The following DIS3L2 variants were observed in gnomAD, a reference collection of about 807,000 sequenced individuals.
DIS3L2 encodes DIS3-like exonuclease 2.
In DIS3L2, 34 loss-of-function variants were observed where a neutral mutation model predicts 97.5. That is an observed-to-expected ratio of 0.35 (90% CI 0.27 to 0.46). DIS3L2 has a LOEUF of 0.46. DIS3L2 is among the 20% of genes least tolerant of loss of function. DIS3L2 has a pLI of 1.00. For synonymous variants in DIS3L2, 435 were observed against 445.2 expected (o/e 0.98, Z 0.29); for missense variants, 1,038 against 1,146.0 (o/e 0.91, Z 1.36).
At chr2:232,297,077 A>T (rs1483878463) in intron 13 of DIS3L2, among the ~76,000 whole-genome samples, 3 of 152,310 alleles carry the variant, frequency 2.0e-5, no homozygotes, top group Admixed American at 6.5e-5. Flanking sequence ...TGTACTTCCA[A>T]GTCTTGTCTC....
At position 232,276,332 on chromosome 2, in the gene DIS3L2, T is replaced by C. The variant is rs550804310; in HGVS notation, c.1659+12892T>C. Among the ~76,000 whole-genome samples, 2 of 152,322 alleles carry C rather than the reference T, an allele frequency of 1.3e-5. No individual in the cohort carries two copies. Among genetic ancestry groups the C allele is most frequent in the East Asian group, 3.9e-4 (2 of 5,182 alleles). On this transcript the variant is annotated intron_variant, in intron 13 of 20. Coordinates refer to ENST00000325385, the MANE Select transcript of DIS3L2 (RefSeq NM_152383.5). This position sits in a 1 kb window ranked among gnomAD's most constrained non-coding sequence, Gnocchi z 4.4. Reference sequence around the variant, plus strand: ...ATAACAGGGCGCTCTCCCCTTTCATTCTCCTGCCTGCCACCTGCCAGCCAA... The same window carrying C: ...ATAACAGGGCGCTCTCCCCTTTCATCCTCCTGCCTGCCACCTGCCAGCCAA...
chr2:232,113,635 T>C (rs977773953), intron 6 of DIS3L2, among the ~76,000 whole-genome samples: 23 of 152,198 alleles, frequency 1.5e-4, no homozygotes, highest in Admixed American at 5.9e-4. Context: ...GAAACCACCA[T>C]TGCAAAATTG....
intron 6 of DIS3L2, among the ~76,000 whole-genome samples, chr2:232,124,071 C>T (rs1045474924): frequency 3.9e-5 from 6 of 152,224 alleles, no homozygotes; most frequent in Non-Finnish European, 5.9e-5. Flanking sequence ...GGAAATCATA[C>T]TTCAAAGACA....
At chr2:232,205,592 G>A (rs956876396) in intron 9 of DIS3L2, among the ~76,000 whole-genome samples, 6 of 151,958 alleles carry the variant, frequency 3.9e-5, no homozygotes, top group South Asian at 2.1e-4. Context: ...ATGAGCCACC[G>A]TGCCCAGCAA....
At chr2:232,339,545 A>G (rs1696061257), downstream of DIS3L2, among the ~76,000 whole-genome samples, 1 of 152,212 alleles carries the variant, frequency 6.6e-6, no homozygotes, top group South Asian at 2.1e-4. Context: ...CAGTGCAGCA[A>G]GGAGGCCCCA....
intron 5 of DIS3L2, among the ~76,000 whole-genome samples, chr2:232,076,538 C>T (rs1017196654): frequency 5.3e-5 from 8 of 152,284 alleles, no homozygotes; most frequent in African/African-American, 1.9e-4. Context: ...GGCAGAGCAC[C>T]TTTCCATCTT....
Position 232,292,993 on chromosome 2 carries a change from A to G in DIS3L2, c.1660-7047A>G, listed in dbSNP as rs1694640054. On this transcript the variant is annotated intron_variant, in intron 13 of 20. Transcript: ENST00000325385. The surrounding 1 kb of genome is among the most constrained non-coding windows in gnomAD (Gnocchi z 4.4). ...CTTGACATGGCAGCTGCCTCTGGAG[A>G]GAGAAAGACCTTGTGAAGTCTGAGT... Among the ~76,000 whole-genome samples the G allele has an allele frequency of 6.6e-6, 1 of 151,966 alleles. No individual in the cohort carries two copies. The highest frequency in any genetic ancestry group is 1.5e-5 in the Non-Finnish European group (1 of 68,008).
chr2:232,113,168 C>T (rs913284968), intron 6 of DIS3L2, among the ~76,000 whole-genome samples: 1 of 152,110 alleles, frequency 6.6e-6, no homozygotes, highest in Non-Finnish European at 1.5e-5. Flanking sequence ...ACTAGAGATG[C>T]TGGAGACAAA....
intron 10 of DIS3L2, among the ~76,000 whole-genome samples, chr2:232,223,013 C>T (rs1194450287): frequency 6.6e-6 from 1 of 152,200 alleles, no homozygotes; most frequent in Non-Finnish European, 1.5e-5. Context: ...AGCTTGATTT[C>T]TGTGGGGTCT....
At chr2:232,092,773 G>A (rs1038860291) in intron 6 of DIS3L2, among the ~76,000 whole-genome samples, 1 of 152,030 alleles carries the variant, frequency 6.6e-6, no homozygotes, top group Non-Finnish European at 1.5e-5. Context: ...TGAATTTTCA[G>A]TTCTAATAGT....
At chr2:232,331,245 G>A (rs1346114487) in intron 16 of DIS3L2, among the ~76,000 whole-genome samples, 3 of 152,270 alleles carry the variant, frequency 2.0e-5, no homozygotes, top group African/African-American at 4.8e-5. Flanking sequence ...AGCCTGTGGG[G>A]TGGACAGCTG....
intron 1 of DIS3L2, among the ~76,000 whole-genome samples, chr2:232,003,369 G>GA (rs1253794032): frequency 6.6e-6 from 1 of 152,000 alleles, no homozygotes; most frequent in Non-Finnish European, 1.5e-5. Context: ...AGCTTCATAA[G>GA]AAAAAATACA....
chr2:232,142,922 A>T (rs1574906505), intron 8 of DIS3L2, among the ~76,000 whole-genome samples: 1 of 152,192 alleles, frequency 6.6e-6, no homozygotes, highest in Non-Finnish European at 1.5e-5. Context: ...ATCTGTTTGC[A>T]TGGAGTTTCC....
At chr2:232,294,207 G>A (rs532318755) in intron 13 of DIS3L2, among the ~76,000 whole-genome samples, 2 of 152,338 alleles carry the variant, frequency 1.3e-5, no homozygotes, top group South Asian at 2.1e-4. Context: ...GAAATGCCAT[G>A]CCCTGATTGG....
intron 5 of DIS3L2, among the ~76,000 whole-genome samples, chr2:232,040,632 A>G (rs1695084299): frequency 6.6e-6 from 1 of 152,192 alleles, no homozygotes. Context: ...AAATATGCAT[A>G]TATAAACCCT....
intron 9 of DIS3L2, among the ~76,000 whole-genome samples, chr2:232,182,214 T>C (rs1253770152): frequency 6.6e-6 from 1 of 152,228 alleles, no homozygotes; most frequent in African/African-American, 2.4e-5. Context: ...GAGTAGGTTG[T>C]TTAATTTCTA....
intron 14 of DIS3L2, among the ~76,000 whole-genome samples, chr2:232,324,096 G>C (rs1324236860): frequency 6.6e-6 from 1 of 152,174 alleles, no homozygotes. Context: ...CAGGTTCTAC[G>C]TAAAGGTGGC....
intron 16 of DIS3L2, among the ~76,000 whole-genome samples, chr2:232,332,629 A>G (rs1445911391): frequency 2.0e-5 from 3 of 151,904 alleles, no homozygotes; most frequent in African/African-American, 7.3e-5. Context: ...GACTCTCGGT[A>G]TCTCCCCCTG....
intron 5 of DIS3L2, among the ~76,000 whole-genome samples, chr2:232,080,236 A>G (rs1311861044): frequency 6.6e-6 from 1 of 152,134 alleles, no homozygotes; most frequent in Non-Finnish European, 1.5e-5. Context: ...ACTAGATGGA[A>G]GGTGATGTTA....
Sources: gnomAD v4.1 joint callset for allele counts (sites outside exome capture counted in the v4.1 genomes callset) on GRCh38, gnomAD v4.1.1 for gene constraint, Gnocchi (gnomAD v3.1) non-coding constraint, MANE v1.5 for transcripts, NCBI Gene and HGNC (gene_info 2026-07-23, HGNC 2026-07-21) for gene names.